CHST9: variants seen among roughly 807,000 people sequenced by gnomAD.
CHST9 encodes the protein GalNAc-4-sulfotransferase 2.
A neutral mutation model predicts 44.4 loss-of-function variants in CHST9; 41 were observed. The ratio of observed to expected loss-of-function variants is 0.92; its 90% CI spans 0.72 to 1.20. The LOEUF (loss-of-function observed/expected upper bound fraction) is 1.20. Among genes scored for constraint, CHST9 ranks in the 50% most tolerant of loss-of-function variants. The pLI, the probability that CHST9 is intolerant of heterozygous loss-of-function variation, is 0.00. For missense variants in CHST9, 504 were observed against 516.5 expected (o/e 0.98, Z 0.23); for synonymous variants, 171 against 178.4 (o/e 0.96, Z 0.33).
intron 2 of CHST9, among the ~76,000 whole-genome samples, chr18:27,110,711 C>T (rs1567919700): frequency 2.0e-5 from 3 of 152,214 alleles, no homozygotes; most frequent in Admixed American, 6.5e-5. Context: ...CCTCATGCTT[C>T]AGAGGCCAAA....
intron 2 of CHST9, among the ~76,000 whole-genome samples, chr18:27,099,940 A>G (rs191578266): frequency 2.9e-4 from 44 of 152,230 alleles, no homozygotes; most frequent in African/African-American, 8.7e-4. Flanking sequence ...TCATTGCACT[A>G]TTCACAATAG....
chr18:26,920,936 G>A (rs191087311), intron 5 of CHST9, among the ~76,000 whole-genome samples: 52 of 152,252 alleles, frequency 3.4e-4, no homozygotes, highest in African/African-American at 7.7e-4. Flanking sequence ...CCAGCAATCC[G>A]GATTTCCAGG....
intron 4 of CHST9, among the ~76,000 whole-genome samples, chr18:26,947,131 T>C (rs2056175856): frequency 1.3e-5 from 2 of 152,344 alleles, no homozygotes; most frequent in South Asian, 2.1e-4. Context: ...TTTCACGATA[T>C]TGATTCTTCC....
chr18:27,118,889 T>C (rs11873353), intron 2 of CHST9, among the ~76,000 whole-genome samples: 120 of 152,310 alleles, frequency 7.9e-4, no homozygotes, highest in African/African-American at 2.2e-3. Flanking sequence ...TAAATAATTA[T>C]ATGGTTTTCA....
At chr18:27,006,799 G>A (rs1244204236) in intron 4 of CHST9, among the ~76,000 whole-genome samples, 3 of 152,186 alleles carry the variant, frequency 2.0e-5, no homozygotes, top group Admixed American at 2.0e-4. Context: ...GATAGATTGA[G>A]TCAAAGCCAG....
rs1490673340 is a variant in CHST9 at position 26,914,664 on chromosome 18, G to A, written c.*1595C>T. The A allele has an allele frequency of 5.9e-6, 2 of 341,596 alleles. No homozygotes were observed. 21.2% of individuals were successfully genotyped at this position (341,596 alleles called of 1,614,324 possible). On this transcript the variant is annotated 3_prime_UTR_variant, in exon 6 of 6. Transcript: ENST00000618847. ...CTTACTCCTTAGGAGACACAGATGGGACACGGCAGGTGTGTGTAAGGAGCG... is the reference window on the plus strand; with the variant it reads ...CTTACTCCTTAGGAGACACAGATGGAACACGGCAGGTGTGTGTAAGGAGCG...
chr18:27,004,716 T>C (rs969440566), intron 4 of CHST9, among the ~76,000 whole-genome samples: 2 of 152,200 alleles, frequency 1.3e-5, no homozygotes, highest in Non-Finnish European at 2.9e-5. Context: ...AATGTGGCTG[T>C]CGTAGGGACA....
intron 2 of CHST9, among the ~76,000 whole-genome samples, chr18:27,119,580 AAG>A (rs1251894114): frequency 6.6e-6 from 1 of 151,722 alleles, no homozygotes; most frequent in Non-Finnish European, 1.5e-5. Flanking sequence ...TTCACAGCTT[AAG>A]CCTCTGTTTG....
At chr18:26,972,940 A>AC (rs1326041126) in intron 4 of CHST9, among the ~76,000 whole-genome samples, 1 of 151,870 alleles carries the variant, frequency 6.6e-6, no homozygotes, top group Non-Finnish European at 1.5e-5. Context: ...CTCTGGCTTC[A>AC]CCCCCTGGCA....
In CHST9 at chr18:27,153,518, CTCTG is replaced by C. The variant is rs200090805; in HGVS notation, c.-96-10617_-96-10614del. On this transcript the variant is annotated intron_variant, in intron 1 of 5. Coordinates refer to ENST00000618847, the MANE Select transcript of CHST9 (RefSeq NM_031422.6). ...TCTCTTTGTCTCTGTCTCTGTCTCT[CTCTG>C]TCTTTCTCTCTCTCTCTCTCTCTCT... Among the ~76,000 whole-genome samples the C allele has an allele frequency of 8.1e-5, 12 of 148,554 alleles. No individual in the cohort carries two copies. In the East Asian group the frequency reaches 1.4e-3, roughly 18 times the overall value.
At chr18:27,047,388 T>TTGTGTGTG (rs55698484) in intron 3 of CHST9, among the ~76,000 whole-genome samples, 13,943 of 145,538 alleles carry the variant, frequency 0.096, 743 homozygotes, top group South Asian at 0.17. Flanking sequence ...GCCTTCATAA[T>TTGTGTGTG]TGTGTGTGTG....
At chr18:27,047,911 A>AT in intron 3 of CHST9, among the ~76,000 whole-genome samples, 1 of 152,306 alleles carries the variant, frequency 6.6e-6, no homozygotes, top group African/African-American at 2.4e-5. Context: ...TGAAAATGTA[A>AT]AAACTTAATT....
intron 2 of CHST9, among the ~76,000 whole-genome samples, chr18:27,090,063 G>A (rs1312432948): frequency 3.3e-5 from 5 of 152,008 alleles, no homozygotes; most frequent in East Asian, 1.9e-4. Context: ...CTCCTGCCTC[G>A]GCCTCCCACA....
At chr18:27,122,481 C>A (rs1342304626) in intron 2 of CHST9, among the ~76,000 whole-genome samples, 2 of 151,988 alleles carry the variant, frequency 1.3e-5, no homozygotes, top group African/African-American at 4.8e-5. Context: ...AGAACAACAA[C>A]AAAAAAAGTT....
chr18:27,042,912 T>A (rs2057461495), intron 3 of CHST9, among the ~76,000 whole-genome samples: 1 of 152,080 alleles, frequency 6.6e-6, no homozygotes, highest in East Asian at 1.9e-4. Flanking sequence ...TGTCACTTGG[T>A]TTTCACTTAC....
intron 4 of CHST9, among the ~76,000 whole-genome samples, chr18:26,959,675 T>A (rs2056374516): frequency 6.6e-6 from 1 of 152,174 alleles, no homozygotes; most frequent in South Asian, 2.1e-4. Context: ...TGCACTGAAC[T>A]TAAAGGTGGT....
chr18:26,970,787 T>C (rs2056532376), intron 4 of CHST9, among the ~76,000 whole-genome samples: 1 of 152,282 alleles, frequency 6.6e-6, no homozygotes, highest in South Asian at 2.1e-4. Flanking sequence ...ATGGGGAAGT[T>C]AACTGACTCA....
At chr18:27,053,218 G>GAAGAA (rs2057599065) in intron 2 of CHST9, among the ~76,000 whole-genome samples, 2 of 32,322 alleles carry the variant, frequency 6.2e-5, no homozygotes, top group African/African-American at 2.0e-4. Context: ...AGGAGGAAGA[G>GAAGAA]GAAGAAGAAG....
At chr18:27,094,847 C>G (rs2058102080) in intron 2 of CHST9, among the ~76,000 whole-genome samples, 1 of 152,184 alleles carries the variant, frequency 6.6e-6, no homozygotes, top group South Asian at 2.1e-4. Context: ...AAGGCAGAAT[C>G]AACACCTCTG....
Sources: gnomAD v4.1 joint callset for allele counts (sites outside exome capture counted in the v4.1 genomes callset) on GRCh38, gnomAD v4.1.1 for gene constraint, MANE v1.5 for transcripts, NCBI Gene and HGNC (gene_info 2026-07-23, HGNC 2026-07-21) for gene names.